Variants in SPATA7 observed in about 807,000 individuals in gnomAD.
SPATA7 encodes the protein spermatogenesis associated 7.
SPATA7 carries 43 observed loss-of-function variants against 51.8 expected under a neutral mutation model. The ratio of observed to expected loss-of-function variants is 0.83; its 90% CI spans 0.65 to 1.07. The LOEUF (loss-of-function observed/expected upper bound fraction) is 1.07. SPATA7 is among the 50% of genes least tolerant of loss of function. The pLI is 0.00. For synonymous variants in SPATA7, 230 were observed against 252.8 expected (o/e 0.91, Z 0.86); for missense variants, 683 against 701.3 (o/e 0.97, Z 0.30).
At chr14:88,446,027 T>C (rs1181098524) in intron 3 of SPATA7, among the ~76,000 whole-genome samples, 3 of 152,218 alleles carry the variant, frequency 2.0e-5, no homozygotes, top group African/African-American at 7.2e-5. Context: ...GATTCCCTCT[T>C]TTTCTATGGA....
Position 88,416,822 on chromosome 14 carries a change from C to A in SPATA7, c.350C>A (p.Ser117Ter). 6.2e-7 allele frequency: 1 copy of A among 1,600,494 alleles called. No individual in the cohort carries two copies. The highest frequency in any genetic ancestry group is 1.1e-5 in the South Asian group (1 of 90,612). The change falls in exon 5 of 12, where the codon TCA (serine) becomes TAA (stop). Residue 117 changes from serine (S) to a stop codon, truncating the protein, a stop_gained. Transcript: ENST00000393545. LOFTEE classifies it high-confidence loss of function. ...MRANYKNNSK[S>*]LFNTLQKPSG... is the part of the protein sequence containing the mutation. The stretch of plus-strand genomic sequence containing the variant: ...GCCAATTATAAAAATAATTCCAAGT[C>A]ACTTTTTAATACCTTACAAAAGGTA...
intron 4 of SPATA7, chr14:88,410,650 C>T (rs1444456370): frequency 6.5e-6 from 1 of 152,988 alleles, no homozygotes; most frequent in African/African-American, 2.4e-5. Context: ...AACAGTCAGG[C>T]TTCTCTGCTG....
chr14:88,393,549 T>C (rs1160736938), intron 3 of SPATA7, 61 bp downstream of exon 3: 1 of 1,190,608 alleles, frequency 8.4e-7, no homozygotes, highest in Non-Finnish European at 1.2e-6. Context: ...TCACTTCTCA[T>C]TAAAATATAT....
At chr14:88,468,933 A>G in intron 4 of SPATA7, 3 of 1,614,192 alleles carry the variant, frequency 1.9e-6, no homozygotes, top group Non-Finnish European at 2.5e-6. Context: ...TGTTCCAGGC[A>G]GGCGATCATG....
downstream of SPATA7, among the ~76,000 whole-genome samples, chr14:88,441,052 C>T (rs1478820981): frequency 6.6e-6 from 1 of 152,154 alleles, no homozygotes; most frequent in Non-Finnish European, 1.5e-5. Context: ...AGCTTAGCTC[C>T]CACTTATGAG....
At chr14:88,467,932 G>T in intron 4 of SPATA7, 1 of 683,030 alleles carries the variant, frequency 1.5e-6, no homozygotes, top group Non-Finnish European at 2.5e-6. Context: ...AGTCCTCCTT[G>T]AGCACCTTTC....
chr14:88,463,009 T>C (rs1485077412), intron 4 of SPATA7, among the ~76,000 whole-genome samples: 1 of 152,230 alleles, frequency 6.6e-6, no homozygotes, highest in Non-Finnish European at 1.5e-5. Context: ...AAGTATTTTT[T>C]AGAATACACA....
intron 4 of SPATA7, among the ~76,000 whole-genome samples, chr14:88,409,779 G>T (rs939871520): frequency 1.3e-5 from 2 of 152,056 alleles, no homozygotes; most frequent in Non-Finnish European, 2.9e-5. Flanking sequence ...CAGAGATTCT[G>T]GTACATTGTG....
intron 5 of SPATA7, among the ~76,000 whole-genome samples, 195 bp from the exon 6 acceptor site, chr14:88,426,037 A>G (rs2076781355): frequency 1.3e-5 from 2 of 152,198 alleles, no homozygotes; most frequent in African/African-American, 4.8e-5. Context: ...TCTATTACTT[A>G]TATTTGGAAT....
intron 1 of SPATA7, among the ~76,000 whole-genome samples, chr14:88,387,883 C>G (rs1023475701): frequency 1.3e-5 from 2 of 151,988 alleles, no homozygotes; most frequent in African/African-American, 2.4e-5. Flanking sequence ...TATCAATGAC[C>G]TTTAGGAAGG....
At chr14:88,453,374 A>G (rs1450726408) in intron 3 of SPATA7, among the ~76,000 whole-genome samples, 3 of 152,244 alleles carry the variant, frequency 2.0e-5, no homozygotes, top group African/African-American at 7.2e-5. Context: ...TAAATGGTGT[A>G]AAATATAAAT....
At chr14:88,446,012 G>A (rs2077209333) in intron 3 of SPATA7, among the ~76,000 whole-genome samples, 1 of 152,188 alleles carries the variant, frequency 6.6e-6, no homozygotes, top group African/African-American at 2.4e-5. Flanking sequence ...AAATGAGTTA[G>A]GGAGGATTCC....
chr14:88,421,191 T>A (rs2139978042), intron 5 of SPATA7, among the ~76,000 whole-genome samples: 1 of 152,288 alleles, frequency 6.6e-6, no homozygotes, highest in South Asian at 2.1e-4. Context: ...GTCTCCTTTT[T>A]GAGTTTGTTA....
intron 2 of SPATA7, 40 bp downstream of exon 2, chr14:88,391,495 T>G: frequency 1.3e-6 from 2 of 1,547,512 alleles, no homozygotes; most frequent in Non-Finnish European, 1.8e-6. Context: ...GTTAGAAGAT[T>G]GTCTGAGTGT....
rs574870122 is a variant in SPATA7 at position 88,419,683 on chromosome 14, G to A, written c.372+2839G>A. The stretch of plus-strand genomic sequence containing the variant: ...TGGGACTACAGGCACCCGCCACCAC[G>A]CCTGGCTAATTTTTTGTATTTTTAG... On this transcript the variant is annotated intron_variant, in intron 5 of 11. Coordinates refer to ENST00000393545, the MANE Select transcript of SPATA7 (RefSeq NM_018418.5). Among the ~76,000 whole-genome samples, 4 of 151,784 alleles carry A rather than the reference G, an allele frequency of 2.6e-5. No homozygotes were observed. The East Asian group carries it at 5.8e-4, about 22-fold the overall frequency.
chr14:88,409,020 T>G (rs749535559), intron 4 of SPATA7, among the ~76,000 whole-genome samples: 1 of 152,228 alleles, frequency 6.6e-6, no homozygotes, highest in Non-Finnish European at 1.5e-5. Context: ...TGGTATTTTA[T>G]TGAGGATTTT....
chr14:88,411,581 T>C (rs947322464), intron 4 of SPATA7, among the ~76,000 whole-genome samples: 2 of 151,988 alleles, frequency 1.3e-5, no homozygotes, highest in Admixed American at 6.5e-5. Context: ...GTGCACACCG[T>C]TCCTCACAGG....
intron 4 of SPATA7, chr14:88,416,147 A>G (rs564735252): frequency 5.2e-5 from 8 of 152,782 alleles, no homozygotes; most frequent in African/African-American, 1.9e-4. Context: ...CTTACCTTAT[A>G]AATTACCCAG....
downstream of SPATA7, among the ~76,000 whole-genome samples, chr14:88,458,562 G>A (rs2077299237): frequency 6.6e-6 from 1 of 152,140 alleles, no homozygotes; most frequent in African/African-American, 2.4e-5. Context: ...TGTGAGATCA[G>A]TGGTGATATC....
Sources: allele counts gnomAD v4.1 joint callset (sites outside exome capture counted in the v4.1 genomes callset), GRCh38; gene constraint gnomAD v4.1.1; transcripts MANE v1.5; gene names NCBI Gene and HGNC (gene_info 2026-07-23, HGNC 2026-07-21).